The following RLBP1 variants were observed in gnomAD, a reference collection of about 807,000 sequenced individuals.
The protein encoded by RLBP1 is retinaldehyde-binding protein 1.
RLBP1 carries 26 observed loss-of-function variants against 36.2 expected under a neutral mutation model. The ratio of observed to expected loss-of-function variants is 0.72; its 90% CI spans 0.53 to 1.00. The LOEUF (loss-of-function observed/expected upper bound fraction) is 1.00. Ranked by LOEUF, RLBP1 falls within the 50% of genes least tolerant of loss-of-function variation. The probability of loss-of-function intolerance (pLI) is 0.00; values close to 1 mark genes in which losing one functional copy is unlikely to be tolerated. For missense variants in RLBP1, 410 were observed against 402.4 expected (o/e 1.02, Z -0.16); for synonymous variants, 155 against 156.2 (o/e 0.99, Z 0.06).
chr15:89,212,712 C>A (rs534158348), intron 6 of RLBP1, among the ~76,000 whole-genome samples: 97 of 149,446 alleles, frequency 6.5e-4, no homozygotes, highest in African/African-American at 2.3e-3. Context: ...AGTAGAATTG[C>A]AAATGATTTT....
intron 6 of RLBP1, among the ~76,000 whole-genome samples, chr15:89,212,506 A>C (rs1450654417): frequency 2.6e-5 from 4 of 151,008 alleles, no homozygotes; most frequent in African/African-American, 9.7e-5. Context: ...AATCACTTGA[A>C]CTTGAGAGGC....
intron 6 of RLBP1, among the ~76,000 whole-genome samples, chr15:89,213,579 A>T (rs1182876898): frequency 1.3e-5 from 2 of 152,370 alleles, no homozygotes; most frequent in Admixed American, 1.3e-4. Context: ...CAACGTTGTG[A>T]GGAAAAAATT....
chr15:89,212,623 C>CGT (rs1254048872), intron 6 of RLBP1, among the ~76,000 whole-genome samples: 143 of 122,328 alleles, frequency 1.2e-3, no homozygotes, highest in East Asian at 0.011. Flanking sequence ...TGTGTGTGTG[C>CGT]GCGTGTGTGT....
Position 89,210,432 on chromosome 15 carries a change from G to A in RLBP1, c.807C>T (p.His269=), listed in dbSNP as rs62640017. The A allele has an allele frequency of 1.2e-3, 1,978 of 1,614,148 alleles. 14 individuals carry two copies. In the African/African-American group the frequency reaches 0.021, roughly 17 times the overall value. ...GGTAGAAACCAGAAAGGTCATCCCC[G>A]TGGACAAAGACCTGCAGGGAAGCAA... ...KSKLLERVFV[H]GDDLSGFYQE... The change falls in exon 9 of 9, where the codon CAC becomes CAT. Residue 269 remains histidine (H), a synonymous_variant. Coordinates refer to ENST00000268125, the MANE Select transcript of RLBP1 (RefSeq NM_000326.5). The surrounding 1 kb of genome is among the most constrained non-coding windows in gnomAD (Gnocchi z 4.7).
Position 89,219,010 on chromosome 15 carries a change from G to A in RLBP1, c.-35C>T. ...GGAAGACACAGAGTCCTTGGAAAAA[G>A]AAGGGATCTGCTTTCTCTGTCCTGG... On this transcript the variant is annotated 5_prime_UTR_variant, in exon 3 of 9. Coordinates refer to ENST00000268125, the MANE Select transcript of RLBP1 (RefSeq NM_000326.5). 6.2e-7 allele frequency: 1 copy of A among 1,613,990 alleles called. No homozygotes were observed. The highest frequency in any genetic ancestry group is 2.2e-5 in the East Asian group (1 of 44,892).
At chr15:89,213,244 A>G (rs531361426) in intron 6 of RLBP1, among the ~76,000 whole-genome samples, 98 of 152,014 alleles carry the variant, frequency 6.4e-4, no homozygotes, top group African/African-American at 2.2e-3. Context: ...TTAATTCTAT[A>G]TTGAAAGTAC....
Position 89,217,305 on chromosome 15 carries a change from T to C in RLBP1, c.161A>G (p.Glu54Gly). ...TGCCTCCTCCCGGGTCTCCTCTCTC[T>C]CGTTCAGCTCATCCTTGGCCTAGAA... ...TLQKAKDELN[E>G]REETREEAVR... is the part of the protein sequence containing the mutation. Residue 54 changes from glutamate (E) to glycine (G), a missense_variant, in exon 5 of 9, where the codon GAG becomes GGG. Physicochemically the swap from Glu to Gly is moderately conservative, Grantham distance 98 (BLOSUM62 -2). Transcript: ENST00000268125. 1 of 1,606,546 alleles carries C rather than the reference T, an allele frequency of 6.2e-7. No homozygotes were observed. Among genetic ancestry groups the C allele is most frequent in the Non-Finnish European group, 8.5e-7 (1 of 1,179,974 alleles).
rs1488418365 is a variant in RLBP1 at position 89,210,171 on chromosome 15, G to T, written c.*114C>A. The T allele has an allele frequency of 8.1e-7, 1 of 1,229,668 alleles. No individual in the cohort carries two copies. Among genetic ancestry groups the T allele is most frequent in the East Asian group, 2.3e-5 (1 of 43,140 alleles). The allele number at this position is 1,229,668 out of a possible 1,614,324, so 76.2% of individuals were successfully genotyped here. ...ACACCTGAGCTCACTCGGGCTTAGG[G>T]AGTCTAAGGGGGGACCACAGTCATC... On this transcript the variant is annotated 3_prime_UTR_variant, in exon 9 of 9. Coordinates refer to ENST00000268125, the MANE Select transcript of RLBP1 (RefSeq NM_000326.5). The surrounding 1 kb of genome is among the most constrained non-coding windows in gnomAD (Gnocchi z 4.7).
rs1330907371 is a variant in RLBP1 at position 89,211,041 on chromosome 15, T to A, written c.685-232A>T. Among the ~76,000 whole-genome samples the A allele has an allele frequency of 6.6e-6, 1 of 151,956 alleles. No individual in the cohort carries two copies. The highest frequency in any genetic ancestry group is 1.5e-5 in the Non-Finnish European group (1 of 67,996). ...CCCCAAGATTCATAAGACCCAACCC[T>A]CTCCCTGCTGATGCAAATTAAACTG... is the stretch of plus-strand genomic sequence containing the variant. On this transcript the variant is annotated intron_variant, in intron 7 of 8. Transcript: ENST00000268125. This position sits in a 1 kb window ranked among gnomAD's most constrained non-coding sequence, Gnocchi z 5.8.
chr15:89,213,064 T>C (rs1161876287), intron 6 of RLBP1, among the ~76,000 whole-genome samples: 3 of 152,136 alleles, frequency 2.0e-5, no homozygotes, highest in Non-Finnish European at 4.4e-5. Flanking sequence ...TGAGTAGATA[T>C]CACTTACGTA....
chr15:89,217,862 A>C (rs1030581434), intron 4 of RLBP1, among the ~76,000 whole-genome samples: 1 of 152,090 alleles, frequency 6.6e-6, no homozygotes, highest in Non-Finnish European at 1.5e-5. Context: ...CCAGAGCCTC[A>C]CATTCCTCCC....
At chr15:89,217,397 C>G in intron 4 of RLBP1, 73 bp from the exon 5 acceptor site, 1 of 1,489,904 alleles carries the variant, frequency 6.7e-7, no homozygotes, top group African/African-American at 1.4e-5. Flanking sequence ...GGTGATGAGT[C>G]TCCTGCCAGA....
chr15:89,210,971 A>G lies in RLBP1; in HGVS notation c.685-162T>C, dbSNP rs542235805. ...TGAAGGTCCTATTTCCAGGCCAGCA[A>G]CTAGGGATCCCTGGCTCACTGTGGC... On this transcript the variant is annotated intron_variant, in intron 7 of 8. Transcript: ENST00000268125. This position sits in a 1 kb window ranked among gnomAD's most constrained non-coding sequence, Gnocchi z 4.7. Among the ~76,000 whole-genome samples the G allele has an allele frequency of 3.9e-5, 6 of 152,328 alleles. No homozygotes were observed. The highest frequency in any genetic ancestry group is 1.4e-4 in the African/African-American group (6 of 41,576).
chr15:89,213,982 TATC>T (rs2051558519), intron 6 of RLBP1, among the ~76,000 whole-genome samples: 1 of 152,140 alleles, frequency 6.6e-6, no homozygotes, highest in African/African-American at 2.4e-5. Context: ...ACAAAATCTC[TATC>T]ATCGAAACAG....
chr15:89,215,708 G>A (rs906749864), intron 5 of RLBP1, among the ~76,000 whole-genome samples: 1 of 152,036 alleles, frequency 6.6e-6, no homozygotes, highest in African/African-American at 2.4e-5. Flanking sequence ...GCACCTCTAC[G>A]GTCCACAAAC....
rs553575871 is a variant in RLBP1 at position 89,219,083 on chromosome 15, G to T, written c.-100-8C>A. 3 of 1,330,514 alleles carry T rather than the reference G, an allele frequency of 2.3e-6. No homozygotes were observed. The highest frequency in any genetic ancestry group is 2.9e-5 in the African/African-American group (2 of 69,498). The allele number at this position is 1,330,514 out of a possible 1,614,324, so 82.4% of individuals were successfully genotyped here. A position where few individuals can be genotyped will look rare whatever the true frequency, so the allele number is the denominator to read the frequency against. On this transcript the variant is annotated splice_region_variant and splice_polypyrimidine_tract_variant and intron_variant, in intron 2 of 8. Coordinates refer to ENST00000268125, the MANE Select transcript of RLBP1 (RefSeq NM_000326.5). ...TAGGATAGGAAGTCAGGGCTGCAGG[G>T]GTTAGAAAAACCATTCTGTTATTGT...
intron 5 of RLBP1, 52 bp downstream of exon 5, chr15:89,217,068 T>A: frequency 6.3e-7 from 1 of 1,585,552 alleles, no homozygotes; most frequent in South Asian, 1.1e-5. Flanking sequence ...GCGGATAGCA[T>A]CCTCATGGCC....
At chr15:89,221,235 C>G (rs2051624340) in intron 1 of RLBP1, among the ~76,000 whole-genome samples, 1 of 152,142 alleles carries the variant, frequency 6.6e-6, no homozygotes, top group Admixed American at 6.5e-5. Context: ...TCTCGAACTC[C>G]TGACCTCAGG....
At position 89,211,727 on chromosome 15, in the gene RLBP1, G is replaced by A; in HGVS notation, c.684+16C>T. The A allele has an allele frequency of 1.9e-6, 3 of 1,612,968 alleles. No homozygotes were observed. Among genetic ancestry groups the A allele is most frequent in the Non-Finnish European group, 1.7e-6 (2 of 1,179,870 alleles). On this transcript the variant is annotated intron_variant, in intron 7 of 8. Coordinates refer to ENST00000268125, the MANE Select transcript of RLBP1 (RefSeq NM_000326.5). The surrounding 1 kb of genome is among the most constrained non-coding windows in gnomAD (Gnocchi z 5.8). The stretch of plus-strand genomic sequence containing the variant: ...AGCTGTGGGAGGCTGCCGTGCGACA[G>A]AACTCTAAGCCTCACCTGGAGCATG...
Sources: allele counts gnomAD v4.1 joint callset (sites outside exome capture counted in the v4.1 genomes callset), GRCh38; gene constraint gnomAD v4.1.1; non-coding constraint Gnocchi (gnomAD v3.1); transcripts MANE v1.5; gene names NCBI Gene and HGNC (gene_info 2026-07-23, HGNC 2026-07-21).